Variants in GATAD2B observed in about 807,000 individuals in gnomAD.
The protein encoded by GATAD2B is GATA zinc finger domain containing 2B, also known as transcriptional repressor p66-beta.
GATAD2B carries 8 observed loss-of-function variants against 64.3 expected under a neutral mutation model. That is an observed-to-expected ratio of 0.12 (90% confidence interval 0.07 to 0.22). GATAD2B has a LOEUF of 0.22. Ranked by LOEUF, GATAD2B falls within the 10% of genes least tolerant of loss-of-function variation. GATAD2B has a pLI of 1.00. For synonymous variants in GATAD2B, 281 were observed against 271.3 expected (o/e 1.04, Z -0.35); for missense variants, 453 against 752.0 (o/e 0.60, Z 4.65).
Position 153,819,669 on chromosome 1 carries a change from G to C in GATAD2B, c.402C>G (p.Ser134=), listed in dbSNP as rs779969074. 5 of 1,611,174 alleles carry C rather than the reference G, an allele frequency of 3.1e-6. No individual in the cohort carries two copies. The highest frequency in any genetic ancestry group is 4.2e-6 in the Non-Finnish European group (5 of 1,177,996). Reference sequence around the variant, plus strand: ...CCATTCTGGAACTGGAACGGGGACTGGAAGCCTCATTGTCAGACAAAACAA... The same window carrying C: ...CCATTCTGGAACTGGAACGGGGACTCGAAGCCTCATTGTCAGACAAAACAA... The part of the protein sequence containing the change: ...DIIVLSDNEA[S]SPRSSSRMEE... The change falls in exon 3 of 11, where the codon TCC becomes TCG. Residue 134 remains serine, a synonymous_variant. Coordinates refer to ENST00000368655, the MANE Select transcript of GATAD2B (RefSeq NM_020699.4).
intron 1 of GATAD2B, among the ~76,000 whole-genome samples, chr1:153,854,262 G>A (rs1433354837): frequency 6.6e-6 from 1 of 152,090 alleles, no homozygotes; most frequent in African/African-American, 2.4e-5. Context: ...AATTAGCTGG[G>A]CTTGGTGGTG....
At chr1:153,883,904 A>T (rs1301854153) in intron 1 of GATAD2B, among the ~76,000 whole-genome samples, 1 of 152,236 alleles carries the variant, frequency 6.6e-6, no homozygotes, top group Non-Finnish European at 1.5e-5. Context: ...TGGAAAATTA[A>T]GAACTATATA....
intron 1 of GATAD2B, among the ~76,000 whole-genome samples, chr1:153,920,795 A>C (rs1346332926): frequency 6.6e-6 from 1 of 152,200 alleles, no homozygotes; most frequent in African/African-American, 2.4e-5. Context: ...CCTGCTGATT[A>C]GTACTTTTCT....
chr1:153,839,157 T>C (rs1675385957), intron 1 of GATAD2B, among the ~76,000 whole-genome samples: 1 of 145,548 alleles, frequency 6.9e-6, no homozygotes, highest in Non-Finnish European at 1.5e-5. Flanking sequence ...AAGAGAGTAG[T>C]TGTGTCAAAC....
chr1:153,916,277 G>GAA (rs200305010), intron 1 of GATAD2B, among the ~76,000 whole-genome samples: 6 of 92,596 alleles, frequency 6.5e-5, no homozygotes, highest in Admixed American at 9.9e-5. Context: ...TCCACCTCAA[G>GAA]AAAAAAAAAA....
At chr1:153,897,974 T>C (rs1275985077) in intron 1 of GATAD2B, among the ~76,000 whole-genome samples, 1 of 144,892 alleles carries the variant, frequency 6.9e-6, no homozygotes, top group African/African-American at 2.6e-5. Context: ...AATGAGACCC[T>C]GTCTCAAAAA....
chr1:153,851,839 G>A (rs913032583), intron 1 of GATAD2B, among the ~76,000 whole-genome samples: 1 of 152,118 alleles, frequency 6.6e-6, no homozygotes, highest in African/African-American at 2.4e-5. Context: ...CACAGAATGA[G>A]AACATAAGTG....
intron 1 of GATAD2B, among the ~76,000 whole-genome samples, chr1:153,905,558 A>G (rs1677899379): frequency 6.7e-6 from 1 of 150,296 alleles, no homozygotes; most frequent in South Asian, 2.1e-4. Flanking sequence ...TTTTGGAAAA[A>G]AAAAAAAAAA....
chr1:153,849,950 T>G (rs1308298372), intron 1 of GATAD2B, among the ~76,000 whole-genome samples: 1 of 152,184 alleles, frequency 6.6e-6, no homozygotes, highest in Non-Finnish European at 1.5e-5. Context: ...TCCTTTTAAA[T>G]GCACTTATTC....
chr1:153,824,239 T>G (rs1316897528), intron 2 of GATAD2B, among the ~76,000 whole-genome samples: 1 of 123,502 alleles, frequency 8.1e-6, no homozygotes, highest in African/African-American at 2.6e-5. Context: ...TGACAGTGCT[T>G]GTGAACAGCC....
At chr1:153,873,065 G>T (rs551662717) in intron 1 of GATAD2B, among the ~76,000 whole-genome samples, 2 of 151,828 alleles carry the variant, frequency 1.3e-5, no homozygotes, top group African/African-American at 4.8e-5. Context: ...TTACCCTAAC[G>T]TTTTAATCAG....
intron 1 of GATAD2B, among the ~76,000 whole-genome samples, chr1:153,879,391 A>G (rs1366910027): frequency 1.3e-5 from 2 of 151,980 alleles, no homozygotes; most frequent in African/African-American, 2.4e-5. Context: ...TTTATTCTTT[A>G]ATATACTTTC....
chr1:153,870,872 T>C (rs537299519), intron 1 of GATAD2B, among the ~76,000 whole-genome samples: 1 of 152,310 alleles, frequency 6.6e-6, no homozygotes, highest in Non-Finnish European at 1.5e-5. Context: ...TATATGTGTA[T>C]ATATGAGAAC....
chr1:153,920,523 C>T (rs1486053410), intron 1 of GATAD2B, among the ~76,000 whole-genome samples: 1 of 152,234 alleles, frequency 6.6e-6, no homozygotes, highest in African/African-American at 2.4e-5. Context: ...ACCTGGTTAA[C>T]ACTGTTCCTA....
intron 1 of GATAD2B, among the ~76,000 whole-genome samples, chr1:153,914,911 A>G (rs1678216971): frequency 6.6e-6 from 1 of 152,020 alleles, no homozygotes; most frequent in Non-Finnish European, 1.5e-5. Flanking sequence ...TGGGCAACAG[A>G]GCAAGGCTGT....
intron 1 of GATAD2B, chr1:153,852,097 GT>G (rs1251995932): frequency 1.9e-4 from 111 of 587,978 alleles, no homozygotes; most frequent in African/African-American, 1.8e-3. Context: ...ACAGGGGCAA[GT>G]TTAATGAGTT....
At chr1:153,819,825 G>A (rs1449681445) in intron 2 of GATAD2B, 90 bp from the exon 3 acceptor site, 7 of 1,162,816 alleles carry the variant, frequency 6.0e-6, no homozygotes, top group African/African-American at 3.1e-5. Context: ...GGGGCCGGGT[G>A]CGGTGGCTCA....
At chr1:153,880,611 T>C (rs756302272) in intron 1 of GATAD2B, among the ~76,000 whole-genome samples, 2 of 151,954 alleles carry the variant, frequency 1.3e-5, no homozygotes, top group Non-Finnish European at 2.9e-5. Context: ...CTCAAGCACA[T>C]ACACCTTTGA....
Position 153,816,652 on chromosome 1 carries a change from T to G in GATAD2B, c.901-64A>C, listed in dbSNP as rs1674492012. 9.3e-7 allele frequency: 1 copy of G among 1,074,874 alleles called. No homozygotes were observed. The highest frequency in any genetic ancestry group is 1.5e-5 in the African/African-American group (1 of 64,838). 66.6% of individuals were successfully genotyped at this position (1,074,874 alleles called of 1,614,324 possible). ...GGAGAAAGGGCCAATTCTTACGTTC[T>G]TGGCAGAGGACACTGTCTGATCCTG... On this transcript the variant is annotated intron_variant, in intron 6 of 10. Transcript: ENST00000368655. This position sits in a 1 kb window ranked among gnomAD's most constrained non-coding sequence, Gnocchi z 4.9.
Sources: allele counts gnomAD v4.1 joint callset (sites outside exome capture counted in the v4.1 genomes callset), GRCh38; gene constraint gnomAD v4.1.1; non-coding constraint Gnocchi (gnomAD v3.1); transcripts MANE v1.5; gene names NCBI Gene and HGNC (gene_info 2026-07-23, HGNC 2026-07-21).